Variants in SBF2 observed in about 807,000 individuals in gnomAD.
SBF2 encodes the protein myotubularin-related protein 13.
In SBF2, 112 loss-of-function variants were observed where a neutral mutation model predicts 225.2. The ratio of observed to expected loss-of-function variants is 0.50; its 90% CI spans 0.43 to 0.58. SBF2 has a LOEUF of 0.58. Among genes scored for constraint, SBF2 ranks in the 20% least tolerant of loss-of-function variants. The pLI, the probability that SBF2 is intolerant of heterozygous loss-of-function variation, is 0.00. For synonymous variants in SBF2, 763 were observed against 773.3 expected (o/e 0.99, Z 0.22); for missense variants, 1,996 against 2,206.2 (o/e 0.90, Z 1.91).
At chr11:9,954,273 T>A (rs1010522805) in intron 16 of SBF2, among the ~76,000 whole-genome samples, 1 of 152,186 alleles carries the variant, frequency 6.6e-6, no homozygotes, top group Non-Finnish European at 1.5e-5. Flanking sequence ...AATCACTACC[T>A]AAAAATTAGT....
chr11:10,133,979 T>C (rs1954227393), intron 2 of SBF2, among the ~76,000 whole-genome samples: 2 of 152,258 alleles, frequency 1.3e-5, no homozygotes, highest in South Asian at 2.1e-4. Flanking sequence ...GTAAAGCTTC[T>C]GAATTCCTTA....
At position 9,780,297 on chromosome 11, in the gene SBF2, G is replaced by T; in HGVS notation, c.*121C>A. 1 of 831,176 alleles carries T rather than the reference G, an allele frequency of 1.2e-6. No homozygotes were observed. The highest frequency in any genetic ancestry group is 2.0e-6 in the Non-Finnish European group (1 of 501,980). 51.5% of individuals were successfully genotyped at this position (831,176 alleles called of 1,614,324 possible). ...AGCAACCCCTGCAAGAGGGGACTGG[G>T]CAGGAGAACCTCAGGCCCTGGGATA... On this transcript the variant is annotated 3_prime_UTR_variant, in exon 40 of 40. Transcript: ENST00000256190.
chr11:10,138,229 G>A (rs895334435), intron 2 of SBF2, among the ~76,000 whole-genome samples: 2 of 152,078 alleles, frequency 1.3e-5, no homozygotes, highest in African/African-American at 4.8e-5. Context: ...TGCTTTTCAA[G>A]TCATTTGTCC....
chr11:10,219,805 C>T (rs1224412891), intron 1 of SBF2, among the ~76,000 whole-genome samples: 1 of 152,176 alleles, frequency 6.6e-6, no homozygotes, highest in African/African-American at 2.4e-5. Context: ...TTCTCATCTC[C>T]ATCTGAGACC....
chr11:10,286,487 G>A (rs10840386), intron 1 of SBF2, among the ~76,000 whole-genome samples: 41,239 of 151,214 alleles, frequency 0.27, 6,407 homozygotes, highest in Non-Finnish European at 0.35. Context: ...AGCCTCCCAC[G>A]TAGCTGGGAT....
intron 2 of SBF2, among the ~76,000 whole-genome samples, chr11:10,185,007 A>G (rs191402094): frequency 6.6e-6 from 1 of 152,198 alleles, no homozygotes; most frequent in Non-Finnish European, 1.5e-5. Flanking sequence ...TAGTGTCCCC[A>G]AGGTTCATCC....
chr11:9,916,959 C>G (rs1395564021), intron 16 of SBF2, among the ~76,000 whole-genome samples: 1 of 151,140 alleles, frequency 6.6e-6, no homozygotes, highest in Non-Finnish European at 1.5e-5. Context: ...TGGCTTGGGC[C>G]TTCTGTAACC....
intron 33 of SBF2, among the ~76,000 whole-genome samples, chr11:9,795,097 C>T (rs1356019021): frequency 1.3e-5 from 2 of 152,112 alleles, no homozygotes. Flanking sequence ...TCCCCCGTAA[C>T]AGTTATAAAA....
chr11:9,785,176 C>T lies in SBF2; in HGVS notation c.5180G>A (p.Arg1727Gln), dbSNP rs765612411. 8.1e-6 allele frequency: 13 copies of T among 1,613,800 alleles called. No individual in the cohort carries two copies. The highest frequency in any genetic ancestry group is 6.7e-5 in the East Asian group (3 of 44,898). The change falls in exon 37 of 40, where the codon CGA becomes CAA. Residue 1727 changes from arginine (R) to glutamine (Q), a missense_variant. Coordinates refer to ENST00000256190, the MANE Select transcript of SBF2 (RefSeq NM_030962.4). ...CTGGCTATAGAGCGTGGCTGCTCTTCGCTCCACTCCATTGGATGGGGAGAT... is the reference window on the plus strand; with the variant it reads ...CTGGCTATAGAGCGTGGCTGCTCTTTGCTCCACTCCATTGGATGGGGAGAT... ...SSISPSNGVERRAATLYSQYT... is the reference protein window; with the variant it reads ...SSISPSNGVEQRAATLYSQYT...
intron 1 of SBF2, among the ~76,000 whole-genome samples, chr11:10,218,652 G>A (rs1591239848): frequency 6.6e-6 from 1 of 152,184 alleles, no homozygotes; most frequent in East Asian, 1.9e-4. Flanking sequence ...AGGGTCTACA[G>A]CCATACCACC....
At chr11:9,783,892 A>G (rs2133847325) in intron 38 of SBF2, among the ~76,000 whole-genome samples, 1 of 152,262 alleles carries the variant, frequency 6.6e-6, no homozygotes, top group South Asian at 2.1e-4. Flanking sequence ...TGTTTGTAGA[A>G]TAAATTAATG....
intron 2 of SBF2, among the ~76,000 whole-genome samples, chr11:10,056,040 G>GA (rs1323040971): frequency 6.6e-6 from 1 of 152,086 alleles, no homozygotes; most frequent in African/African-American, 2.4e-5. Context: ...AAACAAAACA[G>GA]AAAAAATACC....
At chr11:10,005,672 T>C (rs1421790306) in intron 6 of SBF2, among the ~76,000 whole-genome samples, 1 of 152,160 alleles carries the variant, frequency 6.6e-6, no homozygotes, top group Non-Finnish European at 1.5e-5. Context: ...GGTAACATAC[T>C]TTGGTGCTGT....
At chr11:9,838,670 A>C (rs989520189) in intron 26 of SBF2, 1 of 152,238 alleles carries the variant, frequency 6.6e-6, no homozygotes, top group Non-Finnish European at 1.5e-5. Context: ...AAGTAACATT[A>C]AGATAACTTT....
At chr11:9,860,940 T>C (rs1857683380) in intron 17 of SBF2, among the ~76,000 whole-genome samples, 1 of 152,214 alleles carries the variant, frequency 6.6e-6, no homozygotes, top group African/African-American at 2.4e-5. Context: ...GAGGGTGTAA[T>C]GAAGCCCCAC....
chr11:9,792,921 TTG>T (rs767829391), intron 33 of SBF2, among the ~76,000 whole-genome samples: 36 of 140,168 alleles, frequency 2.6e-4, no homozygotes, highest in Non-Finnish European at 4.0e-4. Flanking sequence ...CCCAGCTAAT[TTG>T]TGTGTGTGTG....
At chr11:9,915,445 CAA>C (rs60692182) in intron 16 of SBF2, among the ~76,000 whole-genome samples, 53,947 of 110,216 alleles carry the variant, frequency 0.49, 10,973 homozygotes, top group African/African-American at 0.57. Flanking sequence ...GAGTCCGTCT[CAA>C]AAAAAAAAAA....
chr11:10,125,779 A>C (rs1565258107), intron 2 of SBF2, among the ~76,000 whole-genome samples: 1 of 152,002 alleles, frequency 6.6e-6, no homozygotes, highest in Non-Finnish European at 1.5e-5. Flanking sequence ...TAGCATCATG[A>C]CTCTTTAATT....
chr11:10,221,943 A>T (rs775995325), intron 1 of SBF2, among the ~76,000 whole-genome samples: 3 of 152,198 alleles, frequency 2.0e-5, no homozygotes, highest in Non-Finnish European at 4.4e-5. Flanking sequence ...GTTGCTGAAA[A>T]GTGAGAAACA....
Sources: allele counts gnomAD v4.1 joint callset (sites outside exome capture counted in the v4.1 genomes callset), GRCh38; gene constraint gnomAD v4.1.1; transcripts MANE v1.5; gene names NCBI Gene and HGNC (gene_info 2026-07-23, HGNC 2026-07-21).